Variants in NAV2 observed in about 807,000 individuals in gnomAD.
The protein encoded by NAV2 is neuron navigator 2.
A neutral mutation model predicts 223.2 loss-of-function variants in NAV2; 54 were observed. The ratio of observed to expected loss-of-function variants is 0.24; its 90% confidence interval spans 0.19 to 0.30. The LOEUF is 0.30. Ranked by LOEUF, NAV2 falls within the 10% of genes least tolerant of loss-of-function variation. The pLI is 1.00. For synonymous variants in NAV2, 1,279 were observed against 1,239.3 expected (o/e 1.03, Z -0.67); for missense variants, 2,806 against 3,147.5 (o/e 0.89, Z 2.60).
At chr11:19,485,503 A>G (rs2042413572) in intron 1 of NAV2, among the ~76,000 whole-genome samples, 1 of 152,142 alleles carries the variant, frequency 6.6e-6, no homozygotes. Flanking sequence ...ACTCCCAAAT[A>G]TCTTCACTGA....
At chr11:19,528,503 A>C (rs929867049) in intron 1 of NAV2, among the ~76,000 whole-genome samples, 9 of 152,170 alleles carry the variant, frequency 5.9e-5, no homozygotes, top group Non-Finnish European at 1.2e-4. Flanking sequence ...TCACTGCCAA[A>C]ACAGGGATGG....
chr11:20,095,333 A>G (rs1009566797), intron 29 of NAV2, among the ~76,000 whole-genome samples: 3 of 152,192 alleles, frequency 2.0e-5, no homozygotes, highest in African/African-American at 7.2e-5. Flanking sequence ...TTTATAAGCA[A>G]GGTTTGAAAA....
intron 1 of NAV2, among the ~76,000 whole-genome samples, chr11:19,620,985 T>C (rs2046975865): frequency 5.3e-5 from 8 of 152,230 alleles, no homozygotes; most frequent in Admixed American, 5.2e-4. Flanking sequence ...TGTTGAATTT[T>C]GTTGAAGGCC....
chr11:19,519,378 C>T (rs1172490973), intron 1 of NAV2, among the ~76,000 whole-genome samples: 1 of 152,188 alleles, frequency 6.6e-6, no homozygotes, highest in Non-Finnish European at 1.5e-5. Context: ...CTCTTTATGC[C>T]TTATTTAATC....
At chr11:19,991,941 T>C (rs549471802) in intron 11 of NAV2, among the ~76,000 whole-genome samples, 7 of 152,336 alleles carry the variant, frequency 4.6e-5, no homozygotes, top group African/African-American at 1.7e-4. Context: ...CTTCTCCTTT[T>C]GTCTGCCTTA....
intron 1 of NAV2, among the ~76,000 whole-genome samples, chr11:19,357,551 T>C (rs1853688857): frequency 6.6e-6 from 1 of 152,190 alleles, no homozygotes; most frequent in Admixed American, 6.5e-5. Context: ...ATGTTTCCCT[T>C]GCATTATTTT....
At chr11:19,785,814 T>TA (rs576679378) in intron 1 of NAV2, among the ~76,000 whole-genome samples, 14 of 152,270 alleles carry the variant, frequency 9.2e-5, no homozygotes, top group African/African-American at 3.4e-4. Context: ...TAAGTATATT[T>TA]TAGCTTAAGG....
At chr11:19,840,597 C>T (rs1169957507) in intron 2 of NAV2, among the ~76,000 whole-genome samples, 1 of 152,158 alleles carries the variant, frequency 6.6e-6, no homozygotes, top group Non-Finnish European at 1.5e-5. Context: ...TTATTCTCTC[C>T]AATGTTGAGT....
chr11:19,421,473 G>A (rs530999594), intron 1 of NAV2, among the ~76,000 whole-genome samples: 1 of 152,232 alleles, frequency 6.6e-6, no homozygotes, highest in African/African-American at 2.4e-5. Context: ...TAATTTAATT[G>A]TTATCAATTT....
chr11:19,434,402 G>C (rs1851141422), intron 1 of NAV2, among the ~76,000 whole-genome samples: 1 of 152,192 alleles, frequency 6.6e-6, no homozygotes, highest in South Asian at 2.1e-4. Context: ...TCATATGTCA[G>C]AATGGCCAAT....
upstream of NAV2, among the ~76,000 whole-genome samples, chr11:19,346,572 C>T (rs1853023712): frequency 6.6e-6 from 1 of 152,250 alleles, no homozygotes; most frequent in East Asian, 1.9e-4. Flanking sequence ...GCCCGCGTCG[C>T]CCAGCTGGGG....
chr11:19,708,335 T>G (rs1286007526), upstream of NAV2, among the ~76,000 whole-genome samples: 1 of 145,118 alleles, frequency 6.9e-6, no homozygotes, highest in Non-Finnish European at 1.5e-5. Flanking sequence ...GAAAAGTGCA[T>G]TTTTTTTACT....
intron 1 of NAV2, among the ~76,000 whole-genome samples, chr11:19,806,442 A>G (rs530682535): frequency 8.5e-5 from 13 of 152,356 alleles, no homozygotes; most frequent in Admixed American, 2.6e-4. Flanking sequence ...AATTTGGAAC[A>G]TGATCAGGCC....
At chr11:19,756,806 GCA>G (rs1287373847) in intron 1 of NAV2, among the ~76,000 whole-genome samples, 4 of 152,164 alleles carry the variant, frequency 2.6e-5, no homozygotes, top group African/African-American at 9.7e-5. Context: ...TTTTTGGTGA[GCA>G]CAGTTTGTTT....
chr11:20,050,269 C>T (rs1475922560), intron 16 of NAV2, among the ~76,000 whole-genome samples: 1 of 152,184 alleles, frequency 6.6e-6, no homozygotes, highest in Admixed American at 6.5e-5. Flanking sequence ...CAGAAATGAC[C>T]TGCCACCCAC....
chr11:19,899,949 T>C (rs1426695278), intron 6 of NAV2, among the ~76,000 whole-genome samples: 5 of 152,172 alleles, frequency 3.3e-5, no homozygotes, highest in Non-Finnish European at 5.9e-5. Context: ...CCCTTGGTCA[T>C]CAAGAGATCT....
rs1054770025 is a variant in NAV2, at chr11:19,713,475, G to A, written c.-221G>A. 2 of 1,345,072 alleles carry A rather than the reference G, an allele frequency of 1.5e-6. No homozygotes were observed. Among genetic ancestry groups the A allele is most frequent in the African/African-American group, 3.0e-5 (2 of 66,284 alleles). 83.3% of individuals were successfully genotyped at this position (1,345,072 alleles called of 1,614,324 possible). ...AGCATCCGTCCAGGTGGGACCCGCT[G>A]AGCGCCGTGGCCAGTCCCCCATTCC... On this transcript the variant is annotated 5_prime_UTR_variant, in exon 1 of 38. Coordinates refer to ENST00000349880, the MANE Select transcript of NAV2 (RefSeq NM_145117.5). This position sits in a 1 kb window ranked among gnomAD's most constrained non-coding sequence, Gnocchi z 7.2.
chr11:19,771,087 T>C (rs965237841), intron 1 of NAV2, among the ~76,000 whole-genome samples: 2 of 152,346 alleles, frequency 1.3e-5, no homozygotes, highest in African/African-American at 4.8e-5. Context: ...AAATTCCCTA[T>C]AGCCCTGACA....
At chr11:20,092,858 GTCTC>G (rs979046380) in intron 28 of NAV2, among the ~76,000 whole-genome samples, 2 of 152,134 alleles carry the variant, frequency 1.3e-5, no homozygotes, top group African/African-American at 4.8e-5. Context: ...TTTTGGTTGA[GTCTC>G]TCCCTCGCAC....
Sources: gnomAD v4.1 joint callset for allele counts (sites outside exome capture counted in the v4.1 genomes callset) on GRCh38, gnomAD v4.1.1 for gene constraint, Gnocchi (gnomAD v3.1) non-coding constraint, MANE v1.5 for transcripts, NCBI Gene and HGNC (gene_info 2026-07-23, HGNC 2026-07-21) for gene names.